Variants in DNTT observed in about 807,000 individuals in gnomAD.
The protein encoded by DNTT is DNA nucleotidylexotransferase.
A neutral mutation model predicts 60.9 loss-of-function variants in DNTT; 47 were observed. That is an observed-to-expected ratio of 0.77 (90% confidence interval 0.61 to 0.98). The LOEUF (loss-of-function observed/expected upper bound fraction) is 0.98. Ranked by LOEUF, DNTT falls within the 50% of genes least tolerant of loss-of-function variation. The pLI, the probability that DNTT is intolerant of heterozygous loss-of-function variation, is 0.00. For missense variants in DNTT, 665 were observed against 627.5 expected (o/e 1.06, Z -0.64); for synonymous variants, 224 against 221.2 (o/e 1.01, Z -0.11).
In DNTT at chr10:96,332,582, T is replaced by C. The variant is rs1845020314; in HGVS notation, c.1345T>C (p.Trp449Arg). Residue 449 changes from tryptophan to arginine, a missense_variant, in exon 9 of 11, where the codon TGG becomes CGG. Physicochemically the swap from Trp to Arg is moderately radical, Grantham distance 101. Transcript: ENST00000371174. ...GCGTCGTGCCTTTGCCCTGTTGGGATGGACTGGCTCCCGGGTAAGTGCTAC... is the reference window on the plus strand; with the variant it reads ...GCGTCGTGCCTTTGCCCTGTTGGGACGGACTGGCTCCCGGGTAAGTGCTAC... Reference protein sequence around the residue: ...YERRAFALLGWTGSRQFERDL... With the variant: ...YERRAFALLGRTGSRQFERDL... 4 of 1,613,366 alleles carry C rather than the reference T, an allele frequency of 2.5e-6. No individual in the cohort carries two copies. Among genetic ancestry groups the C allele is most frequent in the Admixed American group, 1.7e-5 (1 of 59,980 alleles).
Position 96,322,675 on chromosome 10 carries a change from G to A in DNTT, c.697G>A (p.Glu233Lys), listed in dbSNP as rs766844088. The stretch of plus-strand genomic sequence containing the variant: ...CCATTAGGAGATTATTGAAGATGGA[G>A]AAAGTTCTGAAGTTAAAGCTGTGTT... Reference protein sequence around the residue: ...GIIEEIIEDGESSEVKAVLND... With the variant: ...GIIEEIIEDGKSSEVKAVLND... The change falls in exon 5 of 11, where the codon GAA (glutamate) becomes AAA (lysine). Residue 233 changes from glutamate (E) to lysine (K), a missense_variant. Transcript: ENST00000371174. 1.9e-6 allele frequency: 3 copies of A among 1,602,790 alleles called. No homozygotes were observed. Among genetic ancestry groups the A allele is most frequent in the African/African-American group, 2.7e-5 (2 of 74,866 alleles).
chr10:96,328,972 C>T, intron 8 of DNTT, 142 bp downstream of exon 8: 1 of 809,510 alleles, frequency 1.2e-6, no homozygotes, highest in South Asian at 1.9e-5. Flanking sequence ...AGCCATATGA[C>T]CTACAATAAG....
intron 3 of DNTT, among the ~76,000 whole-genome samples, chr10:96,319,928 G>A (rs955810668): frequency 6.6e-6 from 1 of 152,152 alleles, no homozygotes; most frequent in Non-Finnish European, 1.5e-5. Flanking sequence ...ATTGGTAATT[G>A]TGTTTTGAAT....
intron 9 of DNTT, 87 bp from the exon 10 acceptor site, chr10:96,335,804 T>TAC: frequency 2.1e-6 from 3 of 1,426,422 alleles, no homozygotes; most frequent in Non-Finnish European, 3.0e-6. Flanking sequence ...TTAGTGGAGT[T>TAC]ACATATTTCA....
chr10:96,316,283 A>T (rs952550906), intron 1 of DNTT, among the ~76,000 whole-genome samples: 1 of 152,064 alleles, frequency 6.6e-6, no homozygotes, highest in African/African-American at 2.4e-5. Flanking sequence ...TGTCTACCAT[A>T]TTTCTCCTCT....
rs572961697 is a variant in DNTT at position 96,304,950 on chromosome 10, T to C, written c.203+250T>C. Among the ~76,000 whole-genome samples the C allele has an allele frequency of 2.6e-5, 4 of 152,324 alleles. No homozygotes were observed. The East Asian group carries it at 7.7e-4, about 29-fold the overall frequency. ...TTTTGTTTTTTGCTTTTCACTCCTA[T>C]GAGATGTGTTATTTAGGGATGATAA... is the stretch of plus-strand genomic sequence containing the variant. On this transcript the variant is annotated intron_variant, in intron 1 of 10. Transcript: ENST00000371174.
intron 1 of DNTT, among the ~76,000 whole-genome samples, chr10:96,317,612 A>T (rs758007228): frequency 2.6e-5 from 4 of 152,154 alleles, no homozygotes; most frequent in Non-Finnish European, 5.9e-5. Flanking sequence ...TGAGTAGGTT[A>T]TGAGGGCTCC....
intron 10 of DNTT, among the ~76,000 whole-genome samples, chr10:96,336,967 C>A (rs1040073775): frequency 6.9e-6 from 1 of 145,908 alleles, no homozygotes; most frequent in South Asian, 2.2e-4. Flanking sequence ...AAGTAATGAT[C>A]ATTTCCCTCT....
intron 2 of DNTT, among the ~76,000 whole-genome samples, chr10:96,318,851 T>A (rs547752322): frequency 6.6e-6 from 1 of 152,328 alleles, no homozygotes; most frequent in South Asian, 2.1e-4. Context: ...TATTTAAGCC[T>A]TGATATTCTA....
At chr10:96,319,180 C>G (rs1844830679) in intron 2 of DNTT, 82 bp from the exon 3 acceptor site, 25 of 1,493,662 alleles carry the variant, frequency 1.7e-5, no homozygotes, top group Non-Finnish European at 2.2e-5. Flanking sequence ...CAACTACAGA[C>G]AACTACTTCC....
chr10:96,333,653 T>G (rs1402910952), intron 9 of DNTT, among the ~76,000 whole-genome samples: 3 of 152,268 alleles, frequency 2.0e-5, no homozygotes, highest in Non-Finnish European at 2.9e-5. Flanking sequence ...CAGGACATTC[T>G]GTCATTTGAG....
chr10:96,338,155 A>G lies in DNTT; in HGVS notation c.1461A>G (p.Ala487=). 6.2e-7 allele frequency: 1 copy of G among 1,613,336 alleles called. No individual in the cohort carries two copies. Among genetic ancestry groups the G allele is most frequent in the Non-Finnish European group, 8.5e-7 (1 of 1,179,846 alleles). The change falls in exon 11 of 11, where the codon GCA becomes GCG. Residue 487 remains alanine (A), a synonymous_variant. Transcript: ENST00000371174. The part of the protein sequence containing the change: ...YDKTKRIFLK[A]ESEEEIFAHL... ...GTTTTCAGAGGATATTCCTCAAAGC[A>G]GAAAGTGAAGAAGAAATTTTTGCGC...
chr10:96,309,780 C>A (rs1190124319), intron 1 of DNTT, among the ~76,000 whole-genome samples: 6 of 152,172 alleles, frequency 3.9e-5, no homozygotes. Flanking sequence ...AAAATGCCTG[C>A]CTGAGAAAGT....
At chr10:96,326,250 G>A (rs1424336089) in intron 6 of DNTT, among the ~76,000 whole-genome samples, 1 of 152,098 alleles carries the variant, frequency 6.6e-6, no homozygotes, top group Non-Finnish European at 1.5e-5. Flanking sequence ...ATAGAGCATT[G>A]CTTCTTAGAT....
chr10:96,312,755 T>G (rs1400786101), intron 1 of DNTT, among the ~76,000 whole-genome samples: 1 of 152,202 alleles, frequency 6.6e-6, no homozygotes, highest in Non-Finnish European at 1.5e-5. Flanking sequence ...AAAATGCATA[T>G]TCCTGGGCCT....
At chr10:96,322,958 C>A (rs977463437) in intron 5 of DNTT, among the ~76,000 whole-genome samples, 1 of 152,162 alleles carries the variant, frequency 6.6e-6, no homozygotes, top group Non-Finnish European at 1.5e-5. Flanking sequence ...TGCTCCCCTG[C>A]TCACATGGTG....
chr10:96,307,805 T>TCTGTCACGCAGGCTGGAGTGCAG (rs1844662946), intron 1 of DNTT, among the ~76,000 whole-genome samples: 7 of 139,700 alleles, frequency 5.0e-5, no homozygotes, highest in Admixed American at 2.9e-4. Flanking sequence ...AGGGTCTTGT[T>TCTGTCACGCAGGCTGGAGTGCAG]CTGTCACGCA....
At chr10:96,330,602 A>C (rs546684724) in intron 8 of DNTT, among the ~76,000 whole-genome samples, 1 of 152,306 alleles carries the variant, frequency 6.6e-6, no homozygotes, top group Non-Finnish European at 1.5e-5. Context: ...AAGGCGTTGA[A>C]GGGTGAAGAG....
At chr10:96,322,393 T>C (rs572885676) in intron 4 of DNTT, among the ~76,000 whole-genome samples, 1 of 152,282 alleles carries the variant, frequency 6.6e-6, no homozygotes, top group South Asian at 2.1e-4. Flanking sequence ...AATATTTTGG[T>C]TTGGGATTCT....
Sources: allele counts gnomAD v4.1 joint callset (sites outside exome capture counted in the v4.1 genomes callset), GRCh38; gene constraint gnomAD v4.1.1; transcripts MANE v1.5; gene names NCBI Gene and HGNC (gene_info 2026-07-23, HGNC 2026-07-21).